Variants in D2HGDH observed in about 807,000 individuals in gnomAD.
D2HGDH encodes the protein D-2-hydroxyglutarate dehydrogenase, also known as D-2-hydroxyglutarate dehydrogenase, mitochondrial.
In D2HGDH, 31 loss-of-function variants were observed where a neutral mutation model predicts 46.9. The observed-to-expected ratio is 0.66, with a 90% CI of 0.50 to 0.89. The LOEUF (loss-of-function observed/expected upper bound fraction) is 0.89, where lower values mean the gene tolerates loss of function less well. D2HGDH is among the 40% of genes least tolerant of loss of function. The probability of loss-of-function intolerance (pLI) is 0.00; values close to 1 mark genes in which losing one functional copy is unlikely to be tolerated. For missense variants in D2HGDH, 698 were observed against 720.8 expected, an observed-to-expected ratio of 0.97 and a Z score of 0.36; for synonymous variants, 364 against 332.6, an observed-to-expected ratio of 1.09 and a Z score of -1.03.
At position 241,743,749 on chromosome 2, in the gene D2HGDH, C is replaced by T. The variant is rs1205488826; in HGVS notation, c.618C>T (p.Thr206=). The stretch of plus-strand genomic sequence containing the variant: ...GCCACATCGGGGGAAACGTGGCAAC[C>T]AACGCTGGAGGCCTGCGGTTTCTTC... ...GSCHIGGNVA[T]NAGGLRFLRY... is the part of the protein sequence containing the mutation. Residue 206 remains threonine (T), a synonymous_variant, in exon 5 of 10, where the codon ACC becomes ACT. Coordinates refer to ENST00000321264, the MANE Select transcript of D2HGDH (RefSeq NM_152783.5). This position sits in a 1 kb window ranked among gnomAD's most constrained non-coding sequence, Gnocchi z 4.8. 1.2e-6 allele frequency: 2 copies of T among 1,612,806 alleles called. No homozygotes were observed. Among genetic ancestry groups the T allele is most frequent in the Non-Finnish European group, 8.5e-7 (1 of 1,179,578 alleles).
intron 9 of D2HGDH, 44 bp from the exon 10 acceptor site, chr2:241,767,666 G>T: frequency 6.2e-7 from 1 of 1,611,308 alleles, no homozygotes; most frequent in Non-Finnish European, 8.5e-7. Flanking sequence ...GGGGTCCTGG[G>T]GGCTGCCCTG....
At chr2:241,744,688 C>A (rs200287149) in intron 5 of D2HGDH, 21 bp from the exon 6 acceptor site, 1 of 1,614,054 alleles carries the variant, frequency 6.2e-7, no homozygotes, top group African/African-American at 1.3e-5. Flanking sequence ...GGTGGGTGAA[C>A]GTGCTTCTCT....
Position 241,755,927 on chromosome 2 carries a change from C to G in D2HGDH, c.1219C>G (p.Pro407Ala). The part of the protein sequence containing the change: ...GYVYKYDLSL[P>A]VERLYDIVTD... ...CGTGTACAAGTACGACCTCTCCCTC[C>G]CTGTGGAGCGGCTCTACGACATCGT... The change falls in exon 9 of 10, where the codon CCT becomes GCT. Residue 407 changes from proline (P) to alanine (A), a missense_variant. Coordinates refer to ENST00000321264, the MANE Select transcript of D2HGDH (RefSeq NM_152783.5). 2 of 1,612,720 alleles carry G rather than the reference C, an allele frequency of 1.2e-6. No homozygotes were observed. The highest frequency in any genetic ancestry group is 8.5e-7 in the Non-Finnish European group (1 of 1,179,378).
In D2HGDH at chr2:241,742,595, G is replaced by A. The variant is rs200584176; in HGVS notation, c.490+21G>A. 784 of 1,613,956 alleles carry A rather than the reference G, an allele frequency of 4.9e-4. 9 individuals are homozygous for A. In the African/African-American group the frequency reaches 9.4e-3, roughly 19 times the overall value. ...GTCTGGTAAGCCTGTGCCACCCGTC[G>A]GGGCCCAGGAGTCCCTCCTGGTGCT... On this transcript the variant is annotated intron_variant, in intron 4 of 9. Coordinates refer to ENST00000321264, the MANE Select transcript of D2HGDH (RefSeq NM_152783.5). This position sits in a 1 kb window ranked among gnomAD's most constrained non-coding sequence, Gnocchi z 4.8.
chr2:241,754,312 G>A (rs556110994), intron 8 of D2HGDH, among the ~76,000 whole-genome samples: 62 of 152,306 alleles, frequency 4.1e-4, no homozygotes, highest in African/African-American at 1.3e-3. Flanking sequence ...AGGGCAGGGC[G>A]TGACCCAAGG....
chr2:241,754,720 C>T (rs1383907585), intron 8 of D2HGDH: 2 of 210,258 alleles, frequency 9.5e-6, no homozygotes, highest in African/African-American at 4.7e-5. Context: ...CCTCCCGCCT[C>T]AGCCTCCCGA....
intron 1 of D2HGDH, 70 bp from the exon 2 acceptor site, chr2:241,735,063 C>T (rs945844120): frequency 1.2e-6 from 1 of 813,386 alleles, no homozygotes; most frequent in Non-Finnish European, 1.8e-6. Context: ...TGCCCCCTCC[C>T]TGCTTCTGCA....
At chr2:241,755,383 C>T (rs1315879793) in intron 8 of D2HGDH, 1 of 1,304,410 alleles carries the variant, frequency 7.7e-7, no homozygotes, top group Non-Finnish European at 1.0e-6. Context: ...CTACCCTGCC[C>T]CACCCTGGTT....
chr2:241,768,226 G>A lies in D2HGDH; in HGVS notation c.*257G>A. 1.8e-6 allele frequency: 1 copy of A among 569,810 alleles called. No homozygotes were observed. The highest frequency in any genetic ancestry group is 3.0e-6 in the Non-Finnish European group (1 of 331,692). The allele number at this position is 569,810 out of a possible 1,614,324, so 35.3% of individuals were successfully genotyped here. A position where few individuals can be genotyped will look rare whatever the true frequency, so the allele number is the denominator to read the frequency against. ...CTGCAGCCATCCTGGACAGGCCGGG[G>A]TGGCGGCAGCTTTGCCCACGTGGAA... On this transcript the variant is annotated 3_prime_UTR_variant, in exon 10 of 10. Transcript: ENST00000321264.
chr2:241,737,126 G>A (rs77525052), intron 2 of D2HGDH, among the ~76,000 whole-genome samples: 49,626 of 151,956 alleles, frequency 0.33, 8,262 homozygotes, highest in South Asian at 0.39. Context: ...CCGCCACCAC[G>A]CCCGGCTCAT....
intron 6 of D2HGDH, 105 bp from the exon 7 acceptor site, chr2:241,750,046 C>T (rs1696863439): frequency 3.8e-6 from 6 of 1,568,284 alleles, no homozygotes; most frequent in African/African-American, 1.3e-5. Context: ...GGCTGCCCAG[C>T]TCACCCACCC....
chr2:241,744,644 C>G, intron 5 of D2HGDH, 65 bp from the exon 6 acceptor site: 1 of 1,604,764 alleles, frequency 6.2e-7, no homozygotes, highest in Non-Finnish European at 8.5e-7. Flanking sequence ...CACCTGGCCC[C>G]GGAGGCGACC....
At chr2:241,740,683 A>C (rs1694200214) in intron 2 of D2HGDH, among the ~76,000 whole-genome samples, 1 of 152,186 alleles carries the variant, frequency 6.6e-6, no homozygotes, top group Admixed American at 6.5e-5. Context: ...ATGGTGGCTC[A>C]TGCCTGTAAT....
In D2HGDH at chr2:241,745,967, C is replaced by A. The variant is rs373421625; in HGVS notation, c.853+1090C>A. ...GGGATTCTGCCTCTCTCCTGGCCCC[C>A]CTTGGGCCACTTAAAGATCATTCTT... On this transcript the variant is annotated intron_variant, in intron 6 of 9. Coordinates refer to ENST00000321264, the MANE Select transcript of D2HGDH (RefSeq NM_152783.5). Among the ~76,000 whole-genome samples the A allele has an allele frequency of 3.3e-5, 5 of 152,274 alleles. No homozygotes were observed. In the East Asian group the frequency reaches 7.7e-4, roughly 24 times the overall value.
At chr2:241,739,450 C>T (rs1693833982) in intron 2 of D2HGDH, among the ~76,000 whole-genome samples, 1 of 152,230 alleles carries the variant, frequency 6.6e-6, no homozygotes, top group Non-Finnish European at 1.5e-5. Context: ...CCAGCAGGCC[C>T]CTCTGCAAAA....
chr2:241,760,124 G>A lies in D2HGDH; in HGVS notation c.1306+4110G>A, dbSNP rs1466138796. 2.7e-5 allele frequency among the ~76,000 whole-genome samples: 3 copies of A among 113,110 alleles called. 1 individual carries two copies. The highest frequency in any genetic ancestry group is 8.4e-5 in the Admixed American group (1 of 11,974). The allele number at this position is 113,110 out of a possible 152,430, so 74.2% of individuals were successfully genotyped here. Reference sequence around the variant, plus strand: ...CTTACCCAATCAGTCGAAGGACTTCGCCACAGCGTGGGTGGGCCTTACCCA... The same window carrying A: ...CTTACCCAATCAGTCGAAGGACTTCACCACAGCGTGGGTGGGCCTTACCCA... On this transcript the variant is annotated intron_variant, in intron 9 of 9. Coordinates refer to ENST00000321264, the MANE Select transcript of D2HGDH (RefSeq NM_152783.5).
At chr2:241,749,204 C>A in intron 6 of D2HGDH, 1 of 917,828 alleles carries the variant, frequency 1.1e-6, no homozygotes, top group South Asian at 1.7e-5. Context: ...ACCACCACCA[C>A]CTCCCACACC....
At chr2:241,764,909 G>A (rs1033041225) in intron 9 of D2HGDH, among the ~76,000 whole-genome samples, 3 of 152,212 alleles carry the variant, frequency 2.0e-5, no homozygotes, top group Admixed American at 6.5e-5. Flanking sequence ...TCTCTGAGCC[G>A]TCGCCTTCTT....
intron 5 of D2HGDH, among the ~76,000 whole-genome samples, chr2:241,744,240 A>T (rs1246362313): frequency 6.6e-6 from 1 of 152,236 alleles, no homozygotes; most frequent in African/African-American, 2.4e-5. Flanking sequence ...CTGTTTACCC[A>T]AGTGGACGAA....
Sources: allele counts gnomAD v4.1 joint callset (sites outside exome capture counted in the v4.1 genomes callset), GRCh38; gene constraint gnomAD v4.1.1; non-coding constraint Gnocchi (gnomAD v3.1); transcripts MANE v1.5; gene names NCBI Gene and HGNC (gene_info 2026-07-23, HGNC 2026-07-21).